Variants in ADAMTSL1 observed in about 807,000 individuals in gnomAD.
ADAMTSL1 encodes ADAMTS like 1.
In ADAMTSL1, 126 loss-of-function variants were observed where a neutral mutation model predicts 201.8. That is an observed-to-expected ratio of 0.62 (90% CI 0.54 to 0.72). The LOEUF is 0.72. ADAMTSL1 is among the 30% of genes least tolerant of loss of function. The probability of loss-of-function intolerance (pLI) is 0.00; values close to 1 mark genes in which losing one functional copy is unlikely to be tolerated. For synonymous variants in ADAMTSL1, 1,121 were observed against 903.4 expected (o/e 1.24, Z -4.32); for missense variants, 2,679 against 2,277.8 (o/e 1.18, Z -3.59).
intron 1 of ADAMTSL1, among the ~76,000 whole-genome samples, chr9:18,008,039 GAAAGA>G (rs1245837652): frequency 1.3e-5 from 2 of 151,970 alleles, no homozygotes; most frequent in East Asian, 3.9e-4. Context: ...GCTCTAATTA[GAAAGA>G]AAAGAAGATA....
intron 1 of ADAMTSL1, among the ~76,000 whole-genome samples, chr9:18,499,247 C>T (rs578245194): frequency 5.3e-5 from 8 of 152,274 alleles, no homozygotes; most frequent in African/African-American, 1.7e-4. Flanking sequence ...TCTGGGAAGG[C>T]GCATGCCTCA....
At chr9:17,912,403 TAG>T (rs1203768315) in intron 1 of ADAMTSL1, among the ~76,000 whole-genome samples, 23,084 of 40,762 alleles carry the variant, frequency 0.57, 9,307 homozygotes, top group East Asian at 0.89. Context: ...TGGTATCTCA[TAG>T]TGGTTTTGAT....
chr9:18,006,427 C>T (rs942367237), intron 1 of ADAMTSL1, among the ~76,000 whole-genome samples: 1 of 151,918 alleles, frequency 6.6e-6, no homozygotes, highest in African/African-American at 2.4e-5. Context: ...GCAGCTGGCT[C>T]CAACATACCA....
chr9:18,445,507 A>G (rs1391162972), intron 2 of ADAMTSL1, among the ~76,000 whole-genome samples: 2 of 152,158 alleles, frequency 1.3e-5, no homozygotes, highest in Non-Finnish European at 2.9e-5. Context: ...AGTTAATAGT[A>G]ATATTTGGTA....
chr9:18,248,255 A>G (rs963388197), intron 2 of ADAMTSL1, among the ~76,000 whole-genome samples: 1 of 152,198 alleles, frequency 6.6e-6, no homozygotes, highest in Non-Finnish European at 1.5e-5. Context: ...AATAGCTGGA[A>G]GAGAGGAGGC....
intron 1 of ADAMTSL1, among the ~76,000 whole-genome samples, chr9:17,978,356 G>A (rs1372482759): frequency 6.6e-6 from 1 of 151,772 alleles, no homozygotes; most frequent in Non-Finnish European, 1.5e-5. Flanking sequence ...CTTTTTTGTA[G>A]TTCCTTTGTT....
At chr9:17,925,711 G>T (rs912249028) in intron 1 of ADAMTSL1, among the ~76,000 whole-genome samples, 19 of 128,090 alleles carry the variant, frequency 1.5e-4, no homozygotes, top group East Asian at 5.1e-4. Context: ...GTGGTGGGGT[G>T]GGGGGAGGGG....
chr9:18,357,924 G>A (rs1036598141), intron 2 of ADAMTSL1, among the ~76,000 whole-genome samples: 5 of 152,036 alleles, frequency 3.3e-5, no homozygotes, highest in Non-Finnish European at 5.9e-5. Flanking sequence ...GCCCCATAAT[G>A]GATTAGACTC....
intron 1 of ADAMTSL1, among the ~76,000 whole-genome samples, chr9:17,982,713 C>T (rs1434152502): frequency 2.0e-5 from 3 of 152,164 alleles, no homozygotes; most frequent in Non-Finnish European, 2.9e-5. Flanking sequence ...ATGGCAGAAT[C>T]AGTTAATGTG....
intron 1 of ADAMTSL1, among the ~76,000 whole-genome samples, chr9:17,937,515 A>G (rs1229741872): frequency 6.6e-6 from 1 of 151,988 alleles, no homozygotes; most frequent in African/African-American, 2.4e-5. Flanking sequence ...CATTGTTTCT[A>G]TGGGAAAAAA....
intron 1 of ADAMTSL1, among the ~76,000 whole-genome samples, chr9:18,017,047 C>G (rs552059387): frequency 1.3e-5 from 2 of 152,186 alleles, no homozygotes; most frequent in South Asian, 4.1e-4. Context: ...TAGCTGAGCA[C>G]AGGCATGGAC....
chr9:18,698,373 T>A (rs985414561), intron 13 of ADAMTSL1, among the ~76,000 whole-genome samples: 8 of 152,098 alleles, frequency 5.3e-5, no homozygotes, highest in Non-Finnish European at 8.8e-5. Flanking sequence ...AACCTCCACC[T>A]CCTGAGTTCA....
intron 3 of ADAMTSL1, among the ~76,000 whole-genome samples, chr9:18,544,523 T>C (rs560186254): frequency 6.6e-6 from 1 of 152,308 alleles, no homozygotes; most frequent in South Asian, 2.1e-4. Context: ...AGTTTTTTTT[T>C]TCAGCCAGCA....
At chr9:18,625,636 A>G (rs1411811401) in intron 5 of ADAMTSL1, among the ~76,000 whole-genome samples, 12 of 152,196 alleles carry the variant, frequency 7.9e-5, no homozygotes, top group Admixed American at 7.2e-4. Context: ...TTTGATTCTT[A>G]AAATTTAAAA....
upstream of ADAMTSL1, among the ~76,000 whole-genome samples, chr9:18,470,836 C>T (rs1821179372): frequency 7.5e-6 from 1 of 132,614 alleles, no homozygotes; most frequent in African/African-American, 2.4e-5. Context: ...AGCCCTGACA[C>T]TCTCTCTCTC....
At chr9:18,436,052 G>A (rs1005345104) in intron 2 of ADAMTSL1, among the ~76,000 whole-genome samples, 1 of 152,150 alleles carries the variant, frequency 6.6e-6, no homozygotes, top group African/African-American at 2.4e-5. Context: ...GCATAAAGCT[G>A]GAAGGGCAGG....
intron 15 of ADAMTSL1, among the ~76,000 whole-genome samples, chr9:18,748,365 AC>A (rs564202885): frequency 1.8e-3 from 267 of 152,274 alleles, no homozygotes; most frequent in African/African-American, 6.1e-3. Context: ...ATTTTTTTGT[AC>A]TTTAGAAAGA....
intron 23 of ADAMTSL1, among the ~76,000 whole-genome samples, chr9:18,866,170 C>T (rs576634914): frequency 1.2e-3 from 166 of 133,680 alleles, no homozygotes; most frequent in Non-Finnish European, 1.8e-3. Context: ...GAGAAATGTC[C>T]GTGACAGAAA....
intron 2 of ADAMTSL1, among the ~76,000 whole-genome samples, chr9:18,456,779 T>C (rs994123423): frequency 1.3e-5 from 2 of 152,204 alleles, no homozygotes; most frequent in African/African-American, 4.8e-5. Flanking sequence ...TCAAAGGTCA[T>C]CCCTGAACAG....
Sources: gnomAD v4.1 joint callset for allele counts (sites outside exome capture counted in the v4.1 genomes callset) on GRCh38, gnomAD v4.1.1 for gene constraint, MANE v1.5 for transcripts, NCBI Gene and HGNC (gene_info 2026-07-23, HGNC 2026-07-21) for gene names.